Variants in BICD1 observed in about 807,000 individuals in gnomAD.
BICD1 encodes the protein protein bicaudal D homolog 1.
BICD1 carries 35 observed loss-of-function variants against 92.5 expected under a neutral mutation model. The ratio of observed to expected loss-of-function variants is 0.38; its 90% confidence interval spans 0.29 to 0.50. The LOEUF (loss-of-function observed/expected upper bound fraction) is 0.50, where lower values mean the gene tolerates loss of function less well. BICD1 is among the 20% of genes least tolerant of loss of function. BICD1 has a pLI of 0.93. For synonymous variants in BICD1, 429 were observed against 465.1 expected, an observed-to-expected ratio of 0.92 and a Z score of 1.00; for missense variants, 950 against 1,189.8, an observed-to-expected ratio of 0.80 and a Z score of 2.97.
rs1185412900 is a variant in BICD1, at chr12:32,381,534, T to C, written c.*3907T>C. The C allele has an allele frequency of 2.0e-5, 3 of 152,138 alleles. No individual in the cohort carries two copies. Among genetic ancestry groups the C allele is most frequent in the African/African-American group, 7.2e-5 (3 of 41,450 alleles). The allele number at this position is 152,138 out of a possible 1,614,324, so 9.4% of individuals were successfully genotyped here. ...TCTTGATATTCTGTATTAATTAAAG[T>C]TCTCTACATGTCTCAAATGGAGATC... On this transcript the variant is annotated 3_prime_UTR_variant, in exon 10 of 10. Coordinates refer to ENST00000652176, the MANE Select transcript of BICD1 (RefSeq NM_001714.4).
rs369094443 is a variant in BICD1, at chr12:32,328,407, G to A, written c.1952G>A (p.Arg651His). 1.2e-5 allele frequency: 20 copies of A among 1,614,090 alleles called. No homozygotes were observed. The highest frequency in any genetic ancestry group is 1.4e-5 in the Non-Finnish European group (17 of 1,180,034). ...KAVDRSLQLS[R>H]QRAAARELAP... The stretch of plus-strand genomic sequence containing the variant: ...GTGGACCGGTCCTTGCAACTGTCTC[G>A]TCAAAGAGCAGCGGCTCGGGAGCTA... Residue 651 changes from arginine (R) to histidine (H), a missense_variant, in exon 5 of 10, where the codon CGT (arginine) becomes CAT (histidine). Physicochemically the swap from Arg to His is conservative, Grantham distance 29 (BLOSUM62 0). Around this residue, in one of 5 missense-constraint regions of BICD1, gnomAD observed 309 missense variants for 499.4 expected, o/e 0.62. Transcript: ENST00000652176. The surrounding 1 kb of genome is among the most constrained non-coding windows in gnomAD (Gnocchi z 4.4).
intron 1 of BICD1, among the ~76,000 whole-genome samples, chr12:32,182,493 G>C (rs1944306943): frequency 6.6e-6 from 1 of 151,358 alleles, no homozygotes; most frequent in Admixed American, 6.6e-5. Flanking sequence ...ATGTTGGCCA[G>C]GCTGGTCTTG....
chr12:32,227,653 G>T, intron 2 of BICD1: 1 of 163,354 alleles, frequency 6.1e-6, no homozygotes, highest in South Asian at 1.8e-4. Context: ...CTCAGATGGG[G>T]ACTGTGGATT....
chr12:32,352,163 C>T (rs560901652), intron 8 of BICD1, among the ~76,000 whole-genome samples: 3 of 152,068 alleles, frequency 2.0e-5, no homozygotes, highest in East Asian at 3.9e-4. Context: ...CGAGATCGTG[C>T]CTCTGCACTC....
chr12:32,220,369 T>A (rs1306686909), intron 2 of BICD1, among the ~76,000 whole-genome samples: 1 of 152,092 alleles, frequency 6.6e-6, no homozygotes, highest in African/African-American at 2.4e-5. Flanking sequence ...ATATCCAGAA[T>A]CTGCAATGAA....
chr12:32,152,475 C>T (rs911056610), intron 1 of BICD1, among the ~76,000 whole-genome samples: 3 of 152,164 alleles, frequency 2.0e-5, no homozygotes, highest in Non-Finnish European at 4.4e-5. Context: ...ATCCTCCTGC[C>T]TCAGCTTCCC....
chr12:32,242,481 C>A (rs1946264672), intron 2 of BICD1, among the ~76,000 whole-genome samples: 1 of 151,650 alleles, frequency 6.6e-6, no homozygotes, highest in South Asian at 2.1e-4. Context: ...GAGCTGAGAT[C>A]GTGCCACTGC....
chr12:32,225,621 G>GTTTTTTTCTTTTTTTTT (rs1945659168), intron 2 of BICD1, among the ~76,000 whole-genome samples: 1 of 92,776 alleles, frequency 1.1e-5, no homozygotes, highest in Non-Finnish European at 2.1e-5. Context: ...CTTTTTTTCT[G>GTTTTTTTCTTTTTTTTT]TTTTTTTTTT....
intron 8 of BICD1, among the ~76,000 whole-genome samples, chr12:32,349,639 T>C (rs1374462675): frequency 2.2e-5 from 3 of 135,284 alleles, no homozygotes; most frequent in South Asian, 2.4e-4. Context: ...ACTTATAACA[T>C]GTATGCTTAT....
At chr12:32,342,903 G>C (rs1231740337) in intron 8 of BICD1, among the ~76,000 whole-genome samples, 1 of 152,156 alleles carries the variant, frequency 6.6e-6, no homozygotes, top group African/African-American at 2.4e-5. Flanking sequence ...GTAGAATATT[G>C]TATAGTAATT....
chr12:32,377,493 C>A lies in BICD1; in HGVS notation c.2841-47C>A, dbSNP rs1940018195. The A allele has an allele frequency of 2.7e-6, 4 of 1,466,442 alleles. No individual in the cohort carries two copies. The East Asian group carries it at 6.8e-5, about 25-fold the overall frequency. The allele number at this position is 1,466,442 out of a possible 1,614,324, so 90.8% of individuals were successfully genotyped here. ...GTCTAACCCCTACCATTGTGCCTGG[C>A]CCTTTGAAATGTGTTTCTTGCTGAC... On this transcript the variant is annotated intron_variant, in intron 9 of 9. Coordinates refer to ENST00000652176, the MANE Select transcript of BICD1 (RefSeq NM_001714.4).
At chr12:32,209,974 C>T (rs1945165956) in intron 1 of BICD1, among the ~76,000 whole-genome samples, 1 of 152,182 alleles carries the variant, frequency 6.6e-6, no homozygotes, top group Non-Finnish European at 1.5e-5. Context: ...GGCAACTGGG[C>T]ATATTGGCAA....
At chr12:32,213,888 A>C (rs112532274) in intron 1 of BICD1, among the ~76,000 whole-genome samples, 2 of 152,298 alleles carry the variant, frequency 1.3e-5, no homozygotes, top group African/African-American at 4.8e-5. Flanking sequence ...GTTTCTCATC[A>C]TACTTTTGCC....
intron 2 of BICD1, among the ~76,000 whole-genome samples, chr12:32,287,313 G>C (rs1009986064): frequency 1.3e-5 from 2 of 151,924 alleles, no homozygotes; most frequent in African/African-American, 2.4e-5. Flanking sequence ...TTATATCTCA[G>C]TTTTCACAGG....
intron 2 of BICD1, among the ~76,000 whole-genome samples, chr12:32,249,687 C>CTT (rs1176197612): frequency 1.5e-5 from 2 of 130,762 alleles, no homozygotes; most frequent in African/African-American, 5.2e-5. Flanking sequence ...TTCTCTCTCT[C>CTT]TCTTTTTTTT....
intron 1 of BICD1, among the ~76,000 whole-genome samples, chr12:32,167,283 A>G (rs2121513425): frequency 6.6e-6 from 1 of 152,356 alleles, no homozygotes; most frequent in Non-Finnish European, 1.5e-5. Context: ...TGAAAAATAA[A>G]TTGCTTATCA....
intron 1 of BICD1, among the ~76,000 whole-genome samples, chr12:32,210,448 A>G (rs1017902194): frequency 1.3e-5 from 2 of 152,124 alleles, no homozygotes; most frequent in Admixed American, 6.6e-5. Context: ...ATGGGTACGA[A>G]ATTTCTGTTT....
chr12:32,132,981 A>T (rs1344081047), intron 1 of BICD1, among the ~76,000 whole-genome samples: 1 of 152,182 alleles, frequency 6.6e-6, no homozygotes, highest in Non-Finnish European at 1.5e-5. Context: ...TTAATTAAAT[A>T]TGGGAGGCAA....
chr12:32,254,711 T>C (rs530634765), intron 2 of BICD1, among the ~76,000 whole-genome samples: 4 of 152,274 alleles, frequency 2.6e-5, no homozygotes, highest in African/African-American at 4.8e-5. Flanking sequence ...TGAAGGAAAT[T>C]TGGGCCAAGT....
Sources: allele counts gnomAD v4.1 joint callset (sites outside exome capture counted in the v4.1 genomes callset), GRCh38; gene constraint gnomAD v4.1.1; regional missense constraint gnomAD v4.1.1; non-coding constraint Gnocchi (gnomAD v3.1); transcripts MANE v1.5; gene names NCBI Gene and HGNC (gene_info 2026-07-23, HGNC 2026-07-21).